FMO5: variants seen among roughly 807,000 people sequenced by gnomAD.
The protein encoded by FMO5 is flavin-containing monooxygenase 5.
FMO5 carries 51 observed loss-of-function variants against 43.6 expected under a neutral mutation model. The observed-to-expected ratio is 1.17, with a 90% CI of 0.93 to 1.48. The LOEUF (loss-of-function observed/expected upper bound fraction) is 1.48. Ranked by LOEUF, FMO5 falls within the 40% of genes most tolerant of loss-of-function variation. The pLI, the probability that FMO5 is intolerant of heterozygous loss-of-function variation, is 0.00. For synonymous variants in FMO5, 187 were observed against 216.5 expected (o/e 0.86, Z 1.20); for missense variants, 644 against 643.0 (o/e 1.00, Z -0.02).
intron 7 of FMO5, among the ~76,000 whole-genome samples, chr1:147,190,459 A>C (rs1322228432): frequency 6.6e-6 from 1 of 152,058 alleles, no homozygotes; most frequent in African/African-American, 2.4e-5. Flanking sequence ...TTGTCTTTGG[A>C]AGGGATTTCC....
At chr1:147,206,387 A>G (rs1660051208) in intron 6 of FMO5, among the ~76,000 whole-genome samples, 1 of 152,334 alleles carries the variant, frequency 6.6e-6, no homozygotes, top group South Asian at 2.1e-4. Context: ...TAGAAATACC[A>G]TTTGACCCAA....
chr1:147,209,747 C>T (rs1393440632), intron 5 of FMO5: 1 of 152,238 alleles, frequency 6.6e-6, no homozygotes, highest in African/African-American at 2.4e-5. Flanking sequence ...TGACAATTTT[C>T]TCTCCATCCT....
chr1:147,191,526 G>A (rs1189308724), intron 7 of FMO5, among the ~76,000 whole-genome samples: 1 of 144,552 alleles, frequency 6.9e-6, no homozygotes, highest in African/African-American at 2.5e-5. Context: ...CTTTTTGATG[G>A]GGTTGTTTGT....
intron 6 of FMO5, among the ~76,000 whole-genome samples, chr1:147,207,015 C>T (rs190809270): frequency 6.6e-6 from 1 of 151,590 alleles, no homozygotes; most frequent in African/African-American, 2.4e-5. Flanking sequence ...TGACAGGATA[C>T]TAGATTTAAA....
At chr1:147,218,244 T>TTG (rs1662352888) in intron 2 of FMO5, among the ~76,000 whole-genome samples, 1 of 80 alleles carries the variant, frequency 0.013, no homozygotes, top group African/African-American at 0.033. Context: ...ACATGCAGAA[T>TTG]TTTTTTTTTT....
At chr1:147,200,166 G>A (rs192498935) in intron 7 of FMO5, among the ~76,000 whole-genome samples, 1 of 152,254 alleles carries the variant, frequency 6.6e-6, no homozygotes, top group Admixed American at 6.5e-5. Flanking sequence ...TAGGAAAAAG[G>A]TTTTGGATTT....
chr1:147,219,279 T>A (rs1296351852), intron 2 of FMO5, among the ~76,000 whole-genome samples: 1 of 152,228 alleles, frequency 6.6e-6, no homozygotes, highest in Non-Finnish European at 1.5e-5. Flanking sequence ...TATACTTGTA[T>A]AATCGCTCCC....
At chr1:147,193,388 T>G (rs587643348) in intron 7 of FMO5, among the ~76,000 whole-genome samples, 2 of 152,248 alleles carry the variant, frequency 1.3e-5, no homozygotes, top group African/African-American at 2.4e-5. Flanking sequence ...ATCTATTTGA[T>G]TCTTCTCTTT....
At chr1:147,191,015 T>C (rs925562196) in intron 7 of FMO5, among the ~76,000 whole-genome samples, 1 of 152,108 alleles carries the variant, frequency 6.6e-6, no homozygotes, top group African/African-American at 2.4e-5. Context: ...ACATGAACTC[T>C]TCATTTTTTA....
At chr1:147,191,770 C>A (rs1366343145) in intron 7 of FMO5, among the ~76,000 whole-genome samples, 2 of 151,998 alleles carry the variant, frequency 1.3e-5, no homozygotes, top group African/African-American at 4.8e-5. Flanking sequence ...AATAGGGAAT[C>A]CTTTCCCCAT....
intron 1 of FMO5, 27 bp from the exon 2 acceptor site, chr1:147,225,093 A>C (rs1663806039): frequency 1.2e-6 from 2 of 1,610,862 alleles, no homozygotes; most frequent in Non-Finnish European, 1.7e-6. Context: ...AAAAGACAAA[A>C]AGCACACATC....
chr1:147,225,225 G>A, intron 1 of FMO5, 62 bp downstream of exon 1: 1 of 1,406,000 alleles, frequency 7.1e-7, no homozygotes, highest in East Asian at 2.6e-5. Context: ...TGCTGGCATG[G>A]GGGAGCCCTG....
At chr1:147,225,912 G>GC (rs1553927678), upstream of FMO5, 1 of 152,188 alleles carries the variant, frequency 6.6e-6, no homozygotes, top group Non-Finnish European at 1.5e-5. Context: ...ACTTTAAGGG[G>GC]TCCACGTGAA....
At chr1:147,202,312 CTTTTTT>C (rs55820230) in intron 6 of FMO5, among the ~76,000 whole-genome samples, 3 of 77,464 alleles carry the variant, frequency 3.9e-5, no homozygotes, top group Non-Finnish European at 5.0e-5. Context: ...AAAAGCAGTT[CTTTTTT>C]TTTTTTTTTT....
upstream of FMO5, among the ~76,000 whole-genome samples, chr1:147,226,834 C>T (rs945362437): frequency 5.6e-5 from 4 of 71,676 alleles, no homozygotes; most frequent in African/African-American, 2.4e-4. Context: ...TTGGAACTGT[C>T]GAACTTTTTT....
At chr1:147,223,427 G>A (rs587648701) in intron 2 of FMO5, 1 of 152,348 alleles carries the variant, frequency 6.6e-6, no homozygotes, top group Non-Finnish European at 1.5e-5. Context: ...CTTTTATGTA[G>A]CTGGCCAACA....
intron 2 of FMO5, chr1:147,224,133 TC>T: frequency 3.1e-6 from 1 of 319,628 alleles, no homozygotes. Context: ...GGATGTCTAG[TC>T]CACAGGAAGA....
intron 6 of FMO5, among the ~76,000 whole-genome samples, chr1:147,202,582 T>C (rs1659222060): frequency 6.6e-6 from 1 of 152,110 alleles, no homozygotes; most frequent in Non-Finnish European, 1.5e-5. Context: ...CCTCCCAAAG[T>C]GCTGGGATTA....
chr1:147,224,769 CA>C (rs1476108333), intron 2 of FMO5, 125 bp downstream of exon 2: 5 of 846,170 alleles, frequency 5.9e-6, no homozygotes, highest in Non-Finnish European at 9.5e-6. Context: ...CTCGGCCTCC[CA>C]AAGTGCTAGG....
Sources: allele counts gnomAD v4.1 joint callset (sites outside exome capture counted in the v4.1 genomes callset), GRCh38; gene constraint gnomAD v4.1.1; transcripts MANE v1.5; gene names NCBI Gene and HGNC (gene_info 2026-07-23, HGNC 2026-07-21).